The following KPNA1 variants were observed in gnomAD, a reference collection of about 807,000 sequenced individuals.
KPNA1 encodes the protein karyopherin subunit alpha 1, also known as importin subunit alpha-5.
A neutral mutation model predicts 70.5 loss-of-function variants in KPNA1; 10 were observed. The observed-to-expected ratio is 0.14, with a 90% CI of 0.09 to 0.24. The LOEUF (loss-of-function observed/expected upper bound fraction) is 0.24, where lower values mean the gene tolerates loss of function less well. Among genes scored for constraint, KPNA1 ranks in the 10% least tolerant of loss-of-function variants. The pLI, the probability that KPNA1 is intolerant of heterozygous loss-of-function variation, is 1.00. For missense variants in KPNA1, 397 were observed against 637.9 expected, an observed-to-expected ratio of 0.62 and a Z score of 4.07; for synonymous variants, 192 against 221.9, an observed-to-expected ratio of 0.87 and a Z score of 1.20.
At chr3:122,453,493 T>C (rs1417769328) in intron 6 of KPNA1, among the ~76,000 whole-genome samples, 1 of 151,874 alleles carries the variant, frequency 6.6e-6, no homozygotes, top group Non-Finnish European at 1.5e-5. Context: ...CAGCCCCTTA[T>C]TATGTTGGGA....
Position 122,422,831 on chromosome 3 carries a change from T to C in KPNA1, c.*4154A>G, listed in dbSNP as rs970675656. 6.6e-6 allele frequency: 1 copy of C among 152,222 alleles called. No individual in the cohort carries two copies. Among genetic ancestry groups the C allele is most frequent in the Non-Finnish European group, 1.5e-5 (1 of 68,030 alleles). The allele number at this position is 152,222 out of a possible 1,614,324, so 9.4% of individuals were successfully genotyped here. A position where few individuals can be genotyped will look rare whatever the true frequency, so the allele number is the denominator to read the frequency against. ...AATAGATGATCAAATAAAGACATGT[T>C]ACCTTAATTTGACCTACAGGGAAAA... On this transcript the variant is annotated 3_prime_UTR_variant, in exon 14 of 14. Transcript: ENST00000344337.
At chr3:122,502,420 C>CTTATGTA (rs2076839440) in intron 1 of KPNA1, among the ~76,000 whole-genome samples, 1 of 152,202 alleles carries the variant, frequency 6.6e-6, no homozygotes, top group Non-Finnish European at 1.5e-5. Flanking sequence ...CTAGAGACTT[C>CTTATGTA]TCTGAGAGAT....
intron 3 of KPNA1, among the ~76,000 whole-genome samples, chr3:122,465,960 T>G (rs1460711187): frequency 6.6e-6 from 1 of 152,236 alleles, no homozygotes; most frequent in African/African-American, 2.4e-5. Flanking sequence ...ACTAAATTTC[T>G]TTCTCTCATT....
intron 2 of KPNA1, 150 bp downstream of exon 2, chr3:122,496,287 A>G: frequency 1.7e-6 from 1 of 594,122 alleles, no homozygotes; most frequent in Non-Finnish European, 2.8e-6. Flanking sequence ...CCCACTCCAA[A>G]AAAGTGTTGA....
At chr3:122,438,101 G>A (rs1246105479) in intron 10 of KPNA1, among the ~76,000 whole-genome samples, 2 of 152,174 alleles carry the variant, frequency 1.3e-5, no homozygotes, top group Non-Finnish European at 2.9e-5. Context: ...AAGGTTGGAG[G>A]TGGGGCCTGG....
Position 122,424,665 on chromosome 3 carries a change from T to C in KPNA1, c.*2320A>G, listed in dbSNP as rs2075799064. On this transcript the variant is annotated 3_prime_UTR_variant, in exon 14 of 14. Coordinates refer to ENST00000344337, the MANE Select transcript of KPNA1 (RefSeq NM_002264.4). The stretch of plus-strand genomic sequence containing the variant: ...TCTGAATGCACACTACTCTTCCTAA[T>C]GTGGGGAGACAACTGTGTGCTTTGT... The C allele has an allele frequency of 6.6e-6, 1 of 152,656 alleles. No homozygotes were observed. Among genetic ancestry groups the C allele is most frequent in the Non-Finnish European group, 1.5e-5 (1 of 68,034 alleles). The allele number at this position is 152,656 out of a possible 1,614,324, so 9.5% of individuals were successfully genotyped here.
At chr3:122,443,777 G>T (rs560673063) in intron 9 of KPNA1, among the ~76,000 whole-genome samples, 4 of 152,150 alleles carry the variant, frequency 2.6e-5, no homozygotes, top group Non-Finnish European at 4.4e-5. Context: ...GAGATCACAT[G>T]CTTCAAAAGG....
chr3:122,449,845 T>C, intron 8 of KPNA1, 108 bp from the exon 9 acceptor site: 1 of 782,630 alleles, frequency 1.3e-6, no homozygotes, highest in Non-Finnish European at 2.0e-6. Context: ...TCTAGGGTGA[T>C]TTACACTTCT....
rs184353071 is a variant in KPNA1, at chr3:122,442,235, A to G, written c.918-119T>C. 8.4e-6 allele frequency: 6 copies of G among 712,972 alleles called. No individual in the cohort carries two copies. In the Admixed American group the frequency reaches 1.2e-4, roughly 14 times the overall value. 44.2% of individuals were successfully genotyped at this position (712,972 alleles called of 1,614,324 possible). A position where few individuals can be genotyped will look rare whatever the true frequency, so the allele number is the denominator to read the frequency against. ...AGAATTTTAGAGCAGAAATGTACCC[A>G]TGGGGCTAATTAAGGGAACGCTTAT... On this transcript the variant is annotated intron_variant, in intron 9 of 13. Transcript: ENST00000344337.
At position 122,424,595 on chromosome 3, in the gene KPNA1, T is replaced by A. The variant is rs548015585; in HGVS notation, c.*2390A>T. On this transcript the variant is annotated 3_prime_UTR_variant, in exon 14 of 14. Transcript: ENST00000344337. ...GTCAGTTAAATAGACTTTGTTTTAA[T>A]TCACTCACTGAAACATCTCCAACTA... 1 of 152,798 alleles carries A rather than the reference T, an allele frequency of 6.5e-6. No individual in the cohort carries two copies. The highest frequency in any genetic ancestry group is 6.5e-5 in the Admixed American group (1 of 15,308). 9.5% of individuals were successfully genotyped at this position (152,798 alleles called of 1,614,324 possible). A position where few individuals can be genotyped will look rare whatever the true frequency, so the allele number is the denominator to read the frequency against.
intron 5 of KPNA1, chr3:122,459,770 C>A: frequency 1.0e-6 from 1 of 985,422 alleles, no homozygotes; most frequent in Non-Finnish European, 1.2e-6. Context: ...TTGAAGTACT[C>A]TACCTTTTCT....
chr3:122,452,079 T>C lies in KPNA1; in HGVS notation c.565-15A>G. 4 of 1,547,530 alleles carry C rather than the reference T, an allele frequency of 2.6e-6. No individual in the cohort carries two copies. The highest frequency in any genetic ancestry group is 1.1e-5 in the South Asian group (1 of 89,326). ...GCCCAGACTGCCTGTGAAAGAATCA[T>C]TCATTAATAAAGGTTACATAGTTTA... is the stretch of plus-strand genomic sequence containing the variant. On this transcript the variant is annotated splice_polypyrimidine_tract_variant and intron_variant, in intron 6 of 13. Transcript: ENST00000344337.
At chr3:122,460,090 G>GGTA in intron 5 of KPNA1, 1 of 985,308 alleles carries the variant, frequency 1.0e-6, no homozygotes, top group Non-Finnish European at 1.2e-6. Context: ...TGATCAACTT[G>GGTA]GTACCTAACC....
intron 13 of KPNA1, 43 bp downstream of exon 13, chr3:122,427,495 A>C: frequency 6.4e-7 from 1 of 1,553,974 alleles, no homozygotes; most frequent in Non-Finnish European, 8.8e-7. Flanking sequence ...TCTATGACCC[A>C]ATTCATTCTT....
chr3:122,498,728 C>G (rs2076791157), intron 1 of KPNA1, among the ~76,000 whole-genome samples: 1 of 152,074 alleles, frequency 6.6e-6, no homozygotes, highest in South Asian at 2.1e-4. Flanking sequence ...ATTGTTTTGG[C>G]TATAATTGAT....
At chr3:122,461,369 A>T (rs1331653687) in intron 4 of KPNA1, 51 bp from the exon 5 acceptor site, 1 of 1,223,668 alleles carries the variant, frequency 8.2e-7, no homozygotes, top group Admixed American at 1.9e-5. Context: ...TTTCAATGCA[A>T]GAACTTAACA....
At chr3:122,514,695 G>C (rs1261107471) in intron 1 of KPNA1, 62 bp downstream of exon 1, 1 of 152,500 alleles carries the variant, frequency 6.6e-6, no homozygotes, top group East Asian at 1.9e-4. Context: ...AGTCCCTCCG[G>C]GACTGCCCGG....
chr3:122,508,368 CCTT>C (rs977250853), intron 1 of KPNA1, among the ~76,000 whole-genome samples: 35 of 152,290 alleles, frequency 2.3e-4, no homozygotes, highest in African/African-American at 6.7e-4. Flanking sequence ...TACTATCCCT[CCTT>C]AAGGTAGTGA....
At chr3:122,433,167 T>C (rs1184475074) in intron 12 of KPNA1, 3 of 152,442 alleles carry the variant, frequency 2.0e-5, no homozygotes, top group Non-Finnish European at 4.4e-5. Flanking sequence ...CATAGTACTT[T>C]AGAAGATACC....
Sources: gnomAD v4.1 joint callset for allele counts (sites outside exome capture counted in the v4.1 genomes callset) on GRCh38, gnomAD v4.1.1 for gene constraint, MANE v1.5 for transcripts, NCBI Gene and HGNC (gene_info 2026-07-23, HGNC 2026-07-21) for gene names.